The following SORCS1 variants were observed in gnomAD, a reference collection of about 807,000 sequenced individuals.
SORCS1 encodes the protein sortilin related VPS10 domain containing receptor 1, also known as VPS10 domain-containing receptor SorCS1.
Under a neutral mutation model 146.1 loss-of-function variants are expected in SORCS1, and 60 were observed. The ratio of observed to expected loss-of-function variants is 0.41; its 90% CI spans 0.33 to 0.51. The LOEUF is 0.51. Among genes scored for constraint, SORCS1 ranks in the 20% least tolerant of loss-of-function variants. The pLI is 0.21. For missense variants in SORCS1, 1,352 were observed against 1,487.6 expected (o/e 0.91, Z 1.50); for synonymous variants, 637 against 584.0 (o/e 1.09, Z -1.31).
intron 1 of SORCS1, among the ~76,000 whole-genome samples, chr10:107,071,247 T>C (rs1407730197): frequency 6.6e-6 from 1 of 152,174 alleles, no homozygotes; most frequent in African/African-American, 2.4e-5. Flanking sequence ...TTTATTTATG[T>C]TCACTCTCCA....
intron 4 of SORCS1, among the ~76,000 whole-genome samples, chr10:106,768,034 T>C (rs112220763): frequency 5.9e-5 from 9 of 152,268 alleles, no homozygotes; most frequent in African/African-American, 1.9e-4. Flanking sequence ...CAGGTAGCAA[T>C]TGAAAAATAA....
chr10:106,719,710 C>A (rs993117330), intron 6 of SORCS1, among the ~76,000 whole-genome samples: 1 of 152,162 alleles, frequency 6.6e-6, no homozygotes, highest in Non-Finnish European at 1.5e-5. Context: ...TGCGCCCGGC[C>A]TCAATGAATA....
At chr10:106,797,602 A>G (rs1377862066) in intron 3 of SORCS1, among the ~76,000 whole-genome samples, 1 of 152,144 alleles carries the variant, frequency 6.6e-6, no homozygotes, top group Non-Finnish European at 1.5e-5. Flanking sequence ...TTTTTAAACC[A>G]GGTCTGCTGA....
chr10:107,092,897 A>C (rs190616511), intron 1 of SORCS1, among the ~76,000 whole-genome samples: 15 of 151,748 alleles, frequency 9.9e-5, no homozygotes, highest in Non-Finnish European at 2.1e-4. Flanking sequence ...AAAAAAAAAA[A>C]AAAAAAAAAC....
chr10:106,916,790 G>A (rs1476496802), intron 2 of SORCS1, among the ~76,000 whole-genome samples: 1 of 151,750 alleles, frequency 6.6e-6, no homozygotes, highest in Non-Finnish European at 1.5e-5. Context: ...CACTCTGTCG[G>A]CCAGGCTGGA....
intron 2 of SORCS1, among the ~76,000 whole-genome samples, chr10:106,834,817 G>T (rs1375965046): frequency 1.3e-5 from 2 of 152,092 alleles, no homozygotes; most frequent in Non-Finnish European, 2.9e-5. Flanking sequence ...TTATTTTCAG[G>T]CTTTGTTTAC....
chr10:106,652,260 T>C (rs1849920578), intron 18 of SORCS1, 122 bp downstream of exon 18: 1 of 1,045,280 alleles, frequency 9.6e-7, no homozygotes, highest in Non-Finnish European at 1.3e-6. Flanking sequence ...AAAAGTAAAA[T>C]AAAAATTTTT....
intron 1 of SORCS1, among the ~76,000 whole-genome samples, chr10:107,114,481 C>T (rs984343475): frequency 6.6e-6 from 1 of 152,126 alleles, no homozygotes; most frequent in Non-Finnish European, 1.5e-5. Context: ...ATGTGATGCA[C>T]TACTTTAAAA....
Position 106,761,599 on chromosome 10 carries a change from G to C in SORCS1, c.948C>G (p.Asn316Lys). The part of the protein sequence containing the change: ...WQLIQEGVVP[N>K]RFYWSVMGSN... The stretch of plus-strand genomic sequence containing the variant: ...AAAGTGAGACTTACCAGTAGAACCT[G>C]TTTGGTACAACCCCTTCTTGGATAA... The change falls in exon 5 of 26, where the codon AAC (asparagine) becomes AAG (lysine). Residue 316 changes from asparagine to lysine, a missense_variant. By Grantham distance (94) the Asn-to-Lys change is moderately conservative. This residue lies in a region of SORCS1 where 490 missense variants were observed against 489.1 expected (regional missense o/e 1.00). Coordinates refer to ENST00000263054, the MANE Select transcript of SORCS1 (RefSeq NM_052918.5). 6.2e-7 allele frequency: 1 copy of C among 1,614,108 alleles called. No homozygotes were observed. Among genetic ancestry groups the C allele is most frequent in the Non-Finnish European group, 8.5e-7 (1 of 1,179,954 alleles).
the SORCS1 span, among the ~76,000 whole-genome samples, chr10:107,175,625 G>A: frequency 5.3e-5 from 8 of 151,838 alleles, no homozygotes; most frequent in East Asian, 1.9e-4. Flanking sequence ...TGGTAGAGAC[G>A]GGGTTTCACC....
At chr10:106,944,874 C>CTTTTTGTTTTTTTTT (rs1954242267) in intron 2 of SORCS1, among the ~76,000 whole-genome samples, 1 of 36,576 alleles carries the variant, frequency 2.7e-5, no homozygotes, top group Non-Finnish European at 5.0e-5. Flanking sequence ...AAAGAGCCTT[C>CTTTTTGTTTTTTTTT]TTTTTTTTTT....
intron 2 of SORCS1, among the ~76,000 whole-genome samples, chr10:106,902,632 T>C (rs1274823328): frequency 6.6e-6 from 1 of 152,214 alleles, no homozygotes; most frequent in Non-Finnish European, 1.5e-5. Context: ...TAACTGGTGG[T>C]GGTCTTATGG....
At chr10:107,077,197 C>A (rs142451969) in intron 1 of SORCS1, among the ~76,000 whole-genome samples, 196 of 152,044 alleles carry the variant, frequency 1.3e-3, no homozygotes, top group African/African-American at 3.8e-3. Context: ...TCTCTGAGGT[C>A]CAGTATATGG....
At chr10:106,876,918 C>A (rs1401810592) in intron 2 of SORCS1, among the ~76,000 whole-genome samples, 1 of 152,160 alleles carries the variant, frequency 6.6e-6, no homozygotes, top group Non-Finnish European at 1.5e-5. Context: ...GGGGCATTTT[C>A]ATGTCATTAA....
At chr10:106,932,062 C>T (rs950374479) in intron 2 of SORCS1, among the ~76,000 whole-genome samples, 1 of 152,050 alleles carries the variant, frequency 6.6e-6, no homozygotes, top group Non-Finnish European at 1.5e-5. Flanking sequence ...GACAGTTATA[C>T]CCTGGGGATG....
intron 3 of SORCS1, among the ~76,000 whole-genome samples, chr10:106,789,130 C>G (rs11193051): frequency 1.3e-5 from 2 of 152,074 alleles, no homozygotes; most frequent in Admixed American, 6.6e-5. Context: ...GCCACGCCTG[C>G]GACAGAGGGC....
intron 6 of SORCS1, among the ~76,000 whole-genome samples, chr10:106,719,262 C>T (rs1229773807): frequency 6.6e-6 from 1 of 152,112 alleles, no homozygotes; most frequent in Non-Finnish European, 1.5e-5. Context: ...CCAGTTTCTT[C>T]TCCAGGTGTT....
At chr10:106,946,366 A>T (rs1176419911) in intron 2 of SORCS1, among the ~76,000 whole-genome samples, 6 of 152,248 alleles carry the variant, frequency 3.9e-5, no homozygotes, top group African/African-American at 1.4e-4. Flanking sequence ...CTTGAATTGT[A>T]GCCCCCATAA....
intron 1 of SORCS1, among the ~76,000 whole-genome samples, chr10:107,088,005 G>A (rs375097047): frequency 4.6e-5 from 7 of 152,238 alleles, no homozygotes; most frequent in Admixed American, 1.3e-4. Context: ...GGCAAGCTCC[G>A]CCTCCCGGGT....
Sources: gnomAD v4.1 joint callset for allele counts (sites outside exome capture counted in the v4.1 genomes callset) on GRCh38, gnomAD v4.1.1 for gene constraint, gnomAD v4.1.1 regional missense constraint, MANE v1.5 for transcripts, NCBI Gene and HGNC (gene_info 2026-07-23, HGNC 2026-07-21) for gene names.